The following PLS1 variants were observed in gnomAD, a reference collection of about 807,000 sequenced individuals.
PLS1 encodes plastin 1, also known as plastin-1.
Under a neutral mutation model 73.7 loss-of-function variants are expected in PLS1, and 32 were observed. That is an observed-to-expected ratio of 0.43 (90% CI 0.33 to 0.58). The LOEUF (loss-of-function observed/expected upper bound fraction) is 0.58, where lower values mean the gene tolerates loss of function less well. Ranked by LOEUF, PLS1 falls within the 20% of genes least tolerant of loss-of-function variation. PLS1 has a pLI of 0.04. For missense variants in PLS1, 633 were observed against 740.5 expected, an observed-to-expected ratio of 0.85 and a Z score of 1.68; for synonymous variants, 217 against 261.3, an observed-to-expected ratio of 0.83 and a Z score of 1.63.
At position 142,698,081 on chromosome 3, in the gene PLS1, T is replaced by C; in HGVS notation, c.1371+14T>C. The C allele has an allele frequency of 7.7e-7, 1 of 1,306,004 alleles. No homozygotes were observed. The highest frequency in any genetic ancestry group is 1.1e-6 in the Non-Finnish European group (1 of 899,062). The allele number at this position is 1,306,004 out of a possible 1,614,324, so 80.9% of individuals were successfully genotyped here. A position where few individuals can be genotyped will look rare whatever the true frequency, so the allele number is the denominator to read the frequency against. ...AACATGAAGAAGGTGAATGAAATAA[T>C]GGCCATGGATATATTGTTATTGTTC... is the stretch of plus-strand genomic sequence containing the variant. On this transcript the variant is annotated intron_variant, in intron 12 of 15. Transcript: ENST00000457734.
At chr3:142,669,689 GA>G (rs2037564373) in intron 3 of PLS1, 136 bp downstream of exon 3, 3 of 483,604 alleles carry the variant, frequency 6.2e-6, no homozygotes, top group Non-Finnish European at 1.1e-5. Flanking sequence ...TGATGATGAT[GA>G]CAATAACTAT....
Position 142,711,634 on chromosome 3 carries a change from T to A in PLS1, c.1754+9T>A. ...AAGCTGAACAATGCTAAGTAAGCCTTTATGGTTTATATTACAATACATGGC... is the reference window on the plus strand; with the variant it reads ...AAGCTGAACAATGCTAAGTAAGCCTATATGGTTTATATTACAATACATGGC... On this transcript the variant is annotated intron_variant, in intron 15 of 15. Coordinates refer to ENST00000457734, the MANE Select transcript of PLS1 (RefSeq NM_001145319.2). 6.3e-7 allele frequency: 1 copy of A among 1,593,136 alleles called. No homozygotes were observed. The highest frequency in any genetic ancestry group is 8.6e-7 in the Non-Finnish European group (1 of 1,164,400).
chr3:142,668,607 T>C (rs1026619170), intron 2 of PLS1, among the ~76,000 whole-genome samples: 16 of 125,660 alleles, frequency 1.3e-4, no homozygotes, highest in Admixed American at 8.9e-4. Context: ...TGCTTATTCC[T>C]TTTTTTTTTT....
At chr3:142,672,198 A>G (rs1249192131) in intron 4 of PLS1, among the ~76,000 whole-genome samples, 1 of 152,190 alleles carries the variant, frequency 6.6e-6, no homozygotes, top group Non-Finnish European at 1.5e-5. Context: ...GAATCTTTTC[A>G]TCACCTGAAG....
intron 1 of PLS1, among the ~76,000 whole-genome samples, chr3:142,625,072 T>TA (rs920931271): frequency 6.6e-6 from 1 of 151,842 alleles, no homozygotes; most frequent in Non-Finnish European, 1.5e-5. Flanking sequence ...GTCTAGCCAT[T>TA]AAAAAAAAGT....
At position 142,689,687 on chromosome 3, in the gene PLS1, G is replaced by A; in HGVS notation, c.1051G>A (p.Val351Ile). Residue 351 changes from valine (V) to isoleucine (I), a missense_variant, in exon 10 of 16, where the codon GTT becomes ATT. Val to Ile is a conservative substitution (Grantham distance 29). Transcript: ENST00000457734. ...EADKLGCKQF[V>I]TPADVVSGNP... ...AGATAAACTGGGCTGCAAACAGTTT[G>A]TTACTCCTGCAGATGTGGTTTCAGG... is the stretch of plus-strand genomic sequence containing the variant. The A allele has an allele frequency of 1.9e-6, 3 of 1,611,886 alleles. No individual in the cohort carries two copies. The highest frequency in any genetic ancestry group is 2.5e-6 in the Non-Finnish European group (3 of 1,178,898).
At chr3:142,694,818 TAACA>T (rs551924689) in intron 11 of PLS1, among the ~76,000 whole-genome samples, 104 of 152,346 alleles carry the variant, frequency 6.8e-4, no homozygotes, top group African/African-American at 2.4e-3. Flanking sequence ...ATTTCAACTT[TAACA>T]GATTAGAGTA....
In PLS1 at chr3:142,652,906, C is replaced by T. The variant is rs533173171; in HGVS notation, c.-36-11296C>T. 2.0e-4 allele frequency among the ~76,000 whole-genome samples: 30 copies of T among 152,264 alleles called. No homozygotes were observed. The South Asian group carries it at 5.4e-3, about 27-fold the overall frequency. ...ATTTGAACCTCTGTGTTTGAGTGAC[C>T]AAATCCCATGTGTTAAAAAGTAAAG... is the stretch of plus-strand genomic sequence containing the variant. On this transcript the variant is annotated intron_variant, in intron 1 of 15. Transcript: ENST00000457734.
At position 142,712,147 on chromosome 3, in the gene PLS1, T is replaced by C; in HGVS notation, c.*140T>C. The C allele has an allele frequency of 1.3e-6, 1 of 754,294 alleles. No homozygotes were observed. 46.7% of individuals were successfully genotyped at this position (754,294 alleles called of 1,614,324 possible). ...ATATTCATTAATGAATTCAATATCC[T>C]GTTCATACTAGTTAGAGCTGGTCAG... On this transcript the variant is annotated 3_prime_UTR_variant, in exon 16 of 16. Transcript: ENST00000457734.
intron 1 of PLS1, among the ~76,000 whole-genome samples, chr3:142,631,930 C>T (rs1301332380): frequency 1.3e-5 from 2 of 152,064 alleles, no homozygotes; most frequent in African/African-American, 2.4e-5. Flanking sequence ...AGTGAAAAGG[C>T]AACCTTAGGT....
intron 6 of PLS1, among the ~76,000 whole-genome samples, chr3:142,678,946 C>T (rs1055662682): frequency 1.2e-3 from 184 of 152,214 alleles, no homozygotes; most frequent in Non-Finnish European, 2.0e-3. Flanking sequence ...TGTTTCCTGA[C>T]TTTTTAATGA....
chr3:142,685,987 C>A (rs1261764311), intron 8 of PLS1, among the ~76,000 whole-genome samples: 1 of 152,098 alleles, frequency 6.6e-6, no homozygotes, highest in Non-Finnish European at 1.5e-5. Flanking sequence ...AATACTTGAC[C>A]TGAATCTTAA....
At chr3:142,670,880 C>T (rs2037590439) in intron 3 of PLS1, 113 bp from the exon 4 acceptor site, 1 of 667,986 alleles carries the variant, frequency 1.5e-6, no homozygotes, top group Non-Finnish European at 2.5e-6. Flanking sequence ...ATAAGTACAA[C>T]TGACTAGTAT....
intron 1 of PLS1, among the ~76,000 whole-genome samples, chr3:142,597,008 A>G (rs2035826524): frequency 1.3e-5 from 2 of 152,164 alleles, no homozygotes; most frequent in African/African-American, 4.8e-5. Flanking sequence ...GTTTTCAGCG[A>G]ATTTCACTGC....
intron 1 of PLS1, among the ~76,000 whole-genome samples, chr3:142,599,375 G>A (rs1194823892): frequency 1.4e-5 from 2 of 145,790 alleles, no homozygotes; most frequent in African/African-American, 5.2e-5. Context: ...TGTCGCCCAG[G>A]CTGGAGTGCA....
intron 1 of PLS1, among the ~76,000 whole-genome samples, chr3:142,615,316 C>T (rs759428759): frequency 2.0e-5 from 3 of 152,052 alleles, no homozygotes; most frequent in Non-Finnish European, 4.4e-5. Context: ...GAACATTATT[C>T]AGTGTATACA....
chr3:142,609,537 A>G (rs541707990), intron 1 of PLS1, among the ~76,000 whole-genome samples: 1 of 152,324 alleles, frequency 6.6e-6, no homozygotes, highest in South Asian at 2.1e-4. Context: ...AAGGGCCTAG[A>G]AATAAGAGGG....
At chr3:142,699,032 A>G (rs761997822) in intron 12 of PLS1, among the ~76,000 whole-genome samples, 12 of 152,226 alleles carry the variant, frequency 7.9e-5, no homozygotes, top group Non-Finnish European at 1.6e-4. Context: ...GTTCTCACTC[A>G]TAAGTGGGAG....
chr3:142,624,563 C>CA (rs1366640888), intron 1 of PLS1, among the ~76,000 whole-genome samples: 2 of 152,182 alleles, frequency 1.3e-5, no homozygotes, highest in Non-Finnish European at 2.9e-5. Flanking sequence ...ACATAGACCC[C>CA]AGTGCCAAAG....
Sources: gnomAD v4.1 joint callset for allele counts (sites outside exome capture counted in the v4.1 genomes callset) on GRCh38, gnomAD v4.1.1 for gene constraint, MANE v1.5 for transcripts, NCBI Gene and HGNC (gene_info 2026-07-23, HGNC 2026-07-21) for gene names.